DCBLD1: variants seen among roughly 807,000 people sequenced by gnomAD.
DCBLD1 encodes the protein discoidin, CUB and LCCL domain-containing protein 1.
A neutral mutation model predicts 71.5 loss-of-function variants in DCBLD1; 57 were observed. The ratio of observed to expected loss-of-function variants is 0.80; its 90% confidence interval spans 0.64 to 0.99. The LOEUF is 0.99. Among genes scored for constraint, DCBLD1 ranks in the 50% least tolerant of loss-of-function variants. The probability of loss-of-function intolerance (pLI) is 0.00; values close to 1 mark genes in which losing one functional copy is unlikely to be tolerated. For synonymous variants in DCBLD1, 380 were observed against 363.8 expected, an observed-to-expected ratio of 1.04 and a Z score of -0.51; for missense variants, 891 against 923.5, an observed-to-expected ratio of 0.96 and a Z score of 0.46.
intron 13 of DCBLD1, 23 bp from the exon 14 acceptor site, chr6:117,545,455 G>A: frequency 1.9e-6 from 3 of 1,611,632 alleles, no homozygotes; most frequent in Non-Finnish European, 2.5e-6. Flanking sequence ...ATATTCATTT[G>A]GTTTATGTTA....
intron 9 of DCBLD1, chr6:117,540,131 A>G (rs1779042042): frequency 6.6e-6 from 1 of 152,548 alleles, no homozygotes; most frequent in Admixed American, 6.5e-5. Flanking sequence ...ATCCAAGAAT[A>G]AGAAATGTGT....
At chr6:117,512,955 A>T (rs986555980) in intron 2 of DCBLD1, among the ~76,000 whole-genome samples, 2 of 152,044 alleles carry the variant, frequency 1.3e-5, no homozygotes, top group Non-Finnish European at 2.9e-5. Flanking sequence ...ACTATTTTTC[A>T]AACATGTCCC....
intron 5 of DCBLD1, among the ~76,000 whole-genome samples, chr6:117,528,103 A>T (rs1315858769): frequency 1.3e-5 from 2 of 152,208 alleles, no homozygotes; most frequent in African/African-American, 2.4e-5. Flanking sequence ...AGTGCGCTGC[A>T]GTTTAGGAGG....
chr6:117,488,061 A>T (rs1777151382), intron 1 of DCBLD1, among the ~76,000 whole-genome samples: 1 of 152,160 alleles, frequency 6.6e-6, no homozygotes, highest in Admixed American at 6.5e-5. Context: ...CTTGCCTTTC[A>T]ATGGGAGTTG....
At chr6:117,560,430 G>A (rs921264183) in intron 14 of DCBLD1, 2 of 189,556 alleles carry the variant, frequency 1.1e-5, no homozygotes, top group African/African-American at 2.3e-5. Flanking sequence ...AACCATAAGT[G>A]TAAGACTGGA....
chr6:117,557,253 T>C (rs969931640), intron 14 of DCBLD1, among the ~76,000 whole-genome samples: 3 of 152,312 alleles, frequency 2.0e-5, no homozygotes, highest in Non-Finnish European at 4.4e-5. Flanking sequence ...ATGGTTTTTT[T>C]CTTAAAGTCT....
chr6:117,490,232 A>G (rs1777245077), intron 1 of DCBLD1, among the ~76,000 whole-genome samples: 2 of 152,376 alleles, frequency 1.3e-5, no homozygotes, highest in Admixed American at 1.3e-4. Context: ...GAACAACAAT[A>G]AAACTAATAC....
At chr6:117,527,106 A>G (rs187852649) in intron 5 of DCBLD1, among the ~76,000 whole-genome samples, 1 of 152,320 alleles carries the variant, frequency 6.6e-6, no homozygotes, top group Non-Finnish European at 1.5e-5. Flanking sequence ...GACCTTCCCA[A>G]CGTGGCCACT....
chr6:117,504,978 A>G (rs1273801624), intron 2 of DCBLD1, among the ~76,000 whole-genome samples: 1 of 152,146 alleles, frequency 6.6e-6, no homozygotes, highest in Non-Finnish European at 1.5e-5. Context: ...TTGCTTCCTC[A>G]TTCCTGCTGC....
chr6:117,490,323 T>TTATTA (rs201995260), intron 1 of DCBLD1, among the ~76,000 whole-genome samples: 4,642 of 152,288 alleles, frequency 0.03, 84 homozygotes, highest in Non-Finnish European at 0.038. Context: ...TGAAAGTTTT[T>TTATTA]TATTACTTGG....
At chr6:117,560,759 A>G in intron 14 of DCBLD1, 1 of 208,012 alleles carries the variant, frequency 4.8e-6, no homozygotes, top group Non-Finnish European at 9.8e-6. Context: ...ACACGCACAC[A>G]TACAACCCTC....
chr6:117,555,045 T>G (rs953661904), intron 14 of DCBLD1, among the ~76,000 whole-genome samples: 8 of 152,226 alleles, frequency 5.3e-5, no homozygotes, highest in Non-Finnish European at 8.8e-5. Context: ...GTTTGAACGT[T>G]TAGTAGCATT....
At chr6:117,518,737 T>C (rs190382074) in intron 2 of DCBLD1, among the ~76,000 whole-genome samples, 2 of 152,284 alleles carry the variant, frequency 1.3e-5, no homozygotes, top group East Asian at 3.9e-4. Context: ...TTATTCACTG[T>C]CATGAGAACA....
At chr6:117,560,593 C>T (rs189535835) in intron 14 of DCBLD1, 31 of 193,618 alleles carry the variant, frequency 1.6e-4, no homozygotes, top group East Asian at 1.3e-3. Flanking sequence ...TGCTAACTTT[C>T]GATAGCTGTT....
intron 13 of DCBLD1, among the ~76,000 whole-genome samples, chr6:117,545,140 T>C (rs1779224080): frequency 6.6e-6 from 1 of 151,618 alleles, no homozygotes; most frequent in Non-Finnish European, 1.5e-5. Context: ...CTCCCCAGGG[T>C]CTAAACACCA....
chr6:117,512,602 G>C (rs1003107997), intron 2 of DCBLD1, among the ~76,000 whole-genome samples: 1 of 152,172 alleles, frequency 6.6e-6, no homozygotes, highest in Non-Finnish European at 1.5e-5. Context: ...TCTGAGCACA[G>C]ATCTGGGCCA....
chr6:117,535,417 C>G (rs1227508810), intron 6 of DCBLD1, among the ~76,000 whole-genome samples: 1 of 152,170 alleles, frequency 6.6e-6, no homozygotes, highest in Non-Finnish European at 1.5e-5. Context: ...TTCATTCACT[C>G]TAATGTGTGA....
chr6:117,544,873 C>G (rs935367653), intron 13 of DCBLD1, among the ~76,000 whole-genome samples: 4 of 151,742 alleles, frequency 2.6e-5, no homozygotes, highest in African/African-American at 9.7e-5. Flanking sequence ...ATGACAAAAG[C>G]CTTATCAGTG....
In DCBLD1 at chr6:117,548,409, C is replaced by G; in HGVS notation, c.2118C>G (p.Leu706=). The G allele has an allele frequency of 6.4e-7, 1 of 1,550,712 alleles. No individual in the cohort carries two copies. The highest frequency in any genetic ancestry group is 8.7e-7 in the Non-Finnish European group (1 of 1,147,018). ...YSAPRDCLTP[L]NQTAMTALL is the part of the protein sequence containing the mutation. The stretch of plus-strand genomic sequence containing the variant: ...CCCCCAGAGACTGCCTCACACCCCT[C>G]AACCAGACGGCCATGACTGCCCTTT... Residue 706 remains leucine, a synonymous_variant, in exon 15 of 15, where the codon CTC becomes CTG. Transcript: ENST00000338728.
Sources: gnomAD v4.1 joint callset for allele counts (sites outside exome capture counted in the v4.1 genomes callset) on GRCh38, gnomAD v4.1.1 for gene constraint, MANE v1.5 for transcripts, NCBI Gene and HGNC (gene_info 2026-07-23, HGNC 2026-07-21) for gene names.